Variants in DGKB observed in about 807,000 individuals in gnomAD.
The protein encoded by DGKB is 90 kDa diacylglycerol kinase.
In DGKB, 67 loss-of-function variants were observed where a neutral mutation model predicts 114.3. That is an observed-to-expected ratio of 0.59 (90% confidence interval 0.48 to 0.72). The LOEUF (loss-of-function observed/expected upper bound fraction) is 0.72, where lower values mean the gene tolerates loss of function less well. Among genes scored for constraint, DGKB ranks in the 30% least tolerant of loss-of-function variants. The pLI, the probability that DGKB is intolerant of heterozygous loss-of-function variation, is 0.00. For synonymous variants in DGKB, 398 were observed against 323.1 expected, an observed-to-expected ratio of 1.23 and a Z score of -2.49; for missense variants, 907 against 975.2, an observed-to-expected ratio of 0.93 and a Z score of 0.93.
rs565423061 is a variant in DGKB, at chr7:14,415,539, C to T, written c.1835+62622G>A. ...TGCGGTGTTTGGTTTTTTGTTCTTG[C>T]GATAGTTTGCTGAGAATGATGGTTT... is the stretch of plus-strand genomic sequence containing the variant. On this transcript the variant is annotated intron_variant, in intron 21 of 25. Coordinates refer to ENST00000402815, the MANE Select transcript of DGKB (RefSeq NM_001350709.2). Among the ~76,000 whole-genome samples, 115 of 151,286 alleles carry T rather than the reference C, an allele frequency of 7.6e-4. 2 individuals are homozygous for T. The South Asian group carries it at 0.014, about 18-fold the overall frequency.
At chr7:14,176,506 T>C (rs1781757183) in intron 25 of DGKB, 2 of 1,019,582 alleles carry the variant, frequency 2.0e-6, no homozygotes, top group Non-Finnish European at 2.3e-6. Flanking sequence ...TAATGTGCTC[T>C]GAAATAAACA....
intron 19 of DGKB, among the ~76,000 whole-genome samples, chr7:14,578,467 C>T (rs1319963262): frequency 2.6e-5 from 4 of 152,122 alleles, no homozygotes; most frequent in Admixed American, 6.5e-5. Flanking sequence ...ATAATCCCAC[C>T]GTAAAGCATA....
At chr7:14,911,260 C>T (rs1783986766) in intron 1 of DGKB, among the ~76,000 whole-genome samples, 1 of 151,992 alleles carries the variant, frequency 6.6e-6, no homozygotes, top group African/African-American at 2.4e-5. Flanking sequence ...AAAATTATCA[C>T]TGTATCAATA....
intron 1 of DGKB, among the ~76,000 whole-genome samples, chr7:14,859,564 C>G (rs538910184): frequency 4.6e-5 from 7 of 152,118 alleles, no homozygotes; most frequent in African/African-American, 1.7e-4. Context: ...GAAGCAATGG[C>G]ATAAAAGAAA....
At chr7:14,393,074 T>C (rs1432105533) in intron 21 of DGKB, among the ~76,000 whole-genome samples, 39 of 144,398 alleles carry the variant, frequency 2.7e-4, no homozygotes, top group Non-Finnish European at 4.1e-4. Context: ...CTGCAAGCTC[T>C]GCCCCCTGGG....
At chr7:14,658,778 G>C (rs1048560729) in intron 13 of DGKB, among the ~76,000 whole-genome samples, 2 of 151,372 alleles carry the variant, frequency 1.3e-5, no homozygotes, top group Admixed American at 6.6e-5. Context: ...TTATAAAACA[G>C]GATTAATTAA....
At chr7:14,560,785 G>T (rs1378058361) in intron 20 of DGKB, among the ~76,000 whole-genome samples, 2 of 152,104 alleles carry the variant, frequency 1.3e-5, no homozygotes, top group African/African-American at 4.8e-5. Context: ...CCTCCACATT[G>T]TATTGCATAG....
intron 21 of DGKB, among the ~76,000 whole-genome samples, chr7:14,382,225 C>T (rs1819593233): frequency 6.6e-6 from 1 of 151,912 alleles, no homozygotes; most frequent in African/African-American, 2.4e-5. Flanking sequence ...GATATGCCTA[C>T]CATGAATTTC....
At chr7:14,170,145 A>AAAAGAAAGAAAGAAAGAAAGAAAGAAAG (rs58897814) in intron 25 of DGKB, among the ~76,000 whole-genome samples, 57 of 99,998 alleles carry the variant, frequency 5.7e-4, no homozygotes, top group Non-Finnish European at 8.3e-4. Flanking sequence ...AAAAAAAAAA[A>AAAAGAAAGAAAGAAAGAAAGAAAGAAAG]AAAGAAAGAA....
chr7:14,696,501 C>CAAAAAAAAAA (rs35486620), intron 8 of DGKB, among the ~76,000 whole-genome samples: 3 of 45,058 alleles, frequency 6.7e-5, no homozygotes, highest in Non-Finnish European at 1.3e-4. Flanking sequence ...GACTCCGTCT[C>CAAAAAAAAAA]AAAAAAAAAA....
intron 23 of DGKB, among the ~76,000 whole-genome samples, chr7:14,314,381 T>A (rs937902796): frequency 1.3e-5 from 2 of 150,554 alleles, no homozygotes; most frequent in Non-Finnish European, 3.0e-5. Flanking sequence ...TTGAAAACTT[T>A]GAAAAAAATT....
At chr7:14,479,968 A>G (rs191214963) in intron 20 of DGKB, among the ~76,000 whole-genome samples, 1 of 152,188 alleles carries the variant, frequency 6.6e-6, no homozygotes, top group African/African-American at 2.4e-5. Flanking sequence ...GGAGAGTATC[A>G]TTGAATTTAC....
intron 6 of DGKB, among the ~76,000 whole-genome samples, chr7:14,713,301 T>C (rs930856628): frequency 2.6e-5 from 4 of 152,152 alleles, no homozygotes; most frequent in African/African-American, 7.2e-5. Context: ...CATTATATGA[T>C]ATATGTTATT....
At chr7:14,814,599 C>T (rs1486324396) in intron 2 of DGKB, among the ~76,000 whole-genome samples, 3 of 152,090 alleles carry the variant, frequency 2.0e-5, no homozygotes, top group Non-Finnish European at 4.4e-5. Context: ...GTATCTGTTA[C>T]ATTCATTTAT....
chr7:14,209,342 C>T lies in DGKB; in HGVS notation c.2123-31191G>A, dbSNP rs182919997. 156 of 403,694 alleles carry T rather than the reference C, an allele frequency of 3.9e-4. 3 individuals carry two copies. Among genetic ancestry groups the T allele is most frequent in the African/African-American group, 2.9e-3 (138 of 47,136 alleles). The allele number at this position is 403,694 out of a possible 1,614,324, so 25.0% of individuals were successfully genotyped here. ...ATTCCTTTTCATAGAGAGATATATA[C>T]GACAAGATTGGGTATTTGGAAAGAT... On this transcript the variant is annotated intron_variant, in intron 23 of 25. Transcript: ENST00000402815.
chr7:14,941,858 G>T (rs1413459874), intron 1 of DGKB, among the ~76,000 whole-genome samples: 2 of 151,912 alleles, frequency 1.3e-5, no homozygotes, highest in Admixed American at 6.6e-5. Context: ...GCATAATAAG[G>T]TATAATTTCA....
intron 13 of DGKB, among the ~76,000 whole-genome samples, chr7:14,652,320 G>C (rs568318574): frequency 6.6e-6 from 1 of 152,132 alleles, no homozygotes; most frequent in Non-Finnish European, 1.5e-5. Flanking sequence ...TAATGGAACA[G>C]AACAGAGCCC....
chr7:14,414,575 C>T (rs931265270), intron 21 of DGKB, among the ~76,000 whole-genome samples: 5 of 152,126 alleles, frequency 3.3e-5, no homozygotes, highest in Non-Finnish European at 2.9e-5. Flanking sequence ...AGTTTCCCTA[C>T]ATTTTCTGTA....
chr7:14,560,795 G>A (rs1796544458), intron 20 of DGKB, among the ~76,000 whole-genome samples: 1 of 152,132 alleles, frequency 6.6e-6, no homozygotes, highest in Admixed American at 6.5e-5. Flanking sequence ...GTATTGCATA[G>A]TGGCTATACC....
Sources: allele counts gnomAD v4.1 joint callset (sites outside exome capture counted in the v4.1 genomes callset), GRCh38; gene constraint gnomAD v4.1.1; transcripts MANE v1.5; gene names NCBI Gene and HGNC (gene_info 2026-07-23, HGNC 2026-07-21).